COIL: variants seen among roughly 807,000 people sequenced by gnomAD.
COIL encodes coilin.
In COIL, 28 loss-of-function variants were observed where a neutral mutation model predicts 51.6. The ratio of observed to expected loss-of-function variants is 0.54; its 90% CI spans 0.40 to 0.74. The LOEUF (loss-of-function observed/expected upper bound fraction) is 0.74. Among genes scored for constraint, COIL ranks in the 30% least tolerant of loss-of-function variants. The probability of loss-of-function intolerance (pLI) is 0.00; values close to 1 mark genes in which losing one functional copy is unlikely to be tolerated. For synonymous variants in COIL, 233 were observed against 255.8 expected, an observed-to-expected ratio of 0.91 and a Z score of 0.85; for missense variants, 667 against 685.9, an observed-to-expected ratio of 0.97 and a Z score of 0.31.
chr17:56,954,145 T>C (rs1910436705), intron 1 of COIL, among the ~76,000 whole-genome samples: 1 of 152,192 alleles, frequency 6.6e-6, no homozygotes, highest in African/African-American at 2.4e-5. Flanking sequence ...CTGTGGTTTA[T>C]TAAGGCCCTG....
chr17:56,950,187 C>T lies in COIL; in HGVS notation c.1055G>A (p.Arg352His), dbSNP rs140691052. 150 of 1,613,838 alleles carry T rather than the reference C, an allele frequency of 9.3e-5. No homozygotes were observed. The highest frequency in any genetic ancestry group is 9.0e-5 in the Non-Finnish European group (106 of 1,179,994). Residue 352 changes from arginine (R) to histidine (H), a missense_variant, in exon 2 of 7, where the codon CGT (arginine) becomes CAT (histidine). Transcript: ENST00000240316. Reference protein sequence around the residue: ...KTVGLFAGRGRPGPGLSSQTA... With the variant: ...KTVGLFAGRGHPGPGLSSQTA... ...CTGTGATGACAGCCCTGGGCCTGGA[C>T]GACCTCTTCCTGCAAAAAGGCCTAC... is the stretch of plus-strand genomic sequence containing the variant.
intron 1 of COIL, among the ~76,000 whole-genome samples, chr17:56,953,270 G>A (rs1910412648): frequency 6.6e-6 from 1 of 151,898 alleles, no homozygotes; most frequent in Non-Finnish European, 1.5e-5. Flanking sequence ...AATTAGCCAG[G>A]CGTGGTGGCG....
At chr17:56,953,442 A>G (rs1703691469) in intron 1 of COIL, among the ~76,000 whole-genome samples, 1 of 147,588 alleles carries the variant, frequency 6.8e-6, no homozygotes, top group Non-Finnish European at 1.5e-5. Flanking sequence ...TACAAACATT[A>G]GGTAAGTATG....
rs781081954 is a variant in COIL, at chr17:56,950,383, T to G, written c.859A>C (p.Lys287Gln). The G allele has an allele frequency of 8.1e-6, 13 of 1,614,120 alleles. No homozygotes were observed. The highest frequency in any genetic ancestry group is 1.1e-5 in the Non-Finnish European group (13 of 1,180,052). The part of the protein sequence containing the change: ...TELSKEEPST[K>Q]NTTADKLAIK... ...GCCAGTTTGTCTGCAGTTGTATTTT[T>G]GGTAGAGGGTTCTTCCTTTGATAAC... The change falls in exon 2 of 7, where the codon AAA becomes CAA. Residue 287 changes from lysine (K) to glutamine (Q), a missense_variant. Coordinates refer to ENST00000240316, the MANE Select transcript of COIL (RefSeq NM_004645.3).
chr17:56,947,435 C>T (rs1241543952), intron 4 of COIL, among the ~76,000 whole-genome samples: 1 of 152,134 alleles, frequency 6.6e-6, no homozygotes, highest in Non-Finnish European at 1.5e-5. Flanking sequence ...GTAGGCAAAA[C>T]ACCTTCCAAC....
intron 1 of COIL, among the ~76,000 whole-genome samples, chr17:56,960,382 G>C (rs560913630): frequency 4.7e-5 from 7 of 150,050 alleles, no homozygotes; most frequent in Admixed American, 1.3e-4. Context: ...AAATTAGCCG[G>C]GCGTGGTGGC....
At position 56,949,741 on chromosome 17, in the gene COIL, G is replaced by C; in HGVS notation, c.1380C>G (p.Asp460Glu). The C allele has an allele frequency of 6.2e-7, 1 of 1,614,108 alleles. No homozygotes were observed. Among genetic ancestry groups the C allele is most frequent in the African/African-American group, 1.3e-5 (1 of 75,030 alleles). ...CTGCTAACAGTGGTAACAGACTATAGTCCTTCTTGGGTGTCTCTACTGGAT... is the reference window on the plus strand; with the variant it reads ...CTGCTAACAGTGGTAACAGACTATACTCCTTCTTGGGTGTCTCTACTGGAT... ...IQNPVETPKK[D>E]YSLLPLLAAA... is the part of the protein sequence containing the mutation. The change falls in exon 3 of 7, where the codon GAC (aspartate) becomes GAG (glutamate). Residue 460 changes from aspartate (D) to glutamate (E), a missense_variant. Transcript: ENST00000240316.
intron 1 of COIL, among the ~76,000 whole-genome samples, chr17:56,957,495 G>A (rs545059311): frequency 1.4e-4 from 21 of 151,372 alleles, no homozygotes; most frequent in Non-Finnish European, 1.9e-4. Flanking sequence ...GGTGGCGGGT[G>A]CCTGTAATCC....
Position 56,942,093 on chromosome 17 carries a change from A to G in COIL, c.1589T>C (p.Val530Ala), listed in dbSNP as rs1385485584. 6.2e-7 allele frequency: 1 copy of G among 1,614,088 alleles called. No individual in the cohort carries two copies. The highest frequency in any genetic ancestry group is 8.5e-7 in the Non-Finnish European group (1 of 1,180,016). Reference protein sequence around the residue: ...ALREPGKFDLVYHNENGAEVV... With the variant: ...ALREPGKFDLAYHNENGAEVV... ...CTCGGCTCCATTTTCATTGTGATAA[A>G]CTAAATCAAATTTCCCAGGTTCTCT... Residue 530 changes from valine to alanine, a missense_variant, in exon 6 of 7, where the codon GTT becomes GCT. Physicochemically the swap from Val to Ala is moderately conservative, Grantham distance 64. Transcript: ENST00000240316.
At chr17:56,939,323 T>C (rs1910102429) in intron 6 of COIL, among the ~76,000 whole-genome samples, 169 bp from the exon 7 acceptor site, 1 of 152,072 alleles carries the variant, frequency 6.6e-6, no homozygotes. Context: ...GGCCAGGCGC[T>C]GTGGCTCACA....
At chr17:56,955,397 A>C (rs1337130702) in intron 1 of COIL, among the ~76,000 whole-genome samples, 1 of 152,180 alleles carries the variant, frequency 6.6e-6, no homozygotes, top group African/African-American at 2.4e-5. Context: ...TTTGCAAGGC[A>C]AACTGAGTGG....
chr17:56,955,750 G>A (rs1910471403), intron 1 of COIL, among the ~76,000 whole-genome samples: 1 of 152,124 alleles, frequency 6.6e-6, no homozygotes, highest in Non-Finnish European at 1.5e-5. Context: ...CCTATCATGG[G>A]TAAGTTGGTG....
intron 1 of COIL, among the ~76,000 whole-genome samples, chr17:56,953,072 G>A (rs1910403246): frequency 6.6e-6 from 1 of 152,074 alleles, no homozygotes; most frequent in Non-Finnish European, 1.5e-5. Context: ...GAGCCCAGGA[G>A]TTTAAGACCA....
chr17:56,953,277 G>A (rs931424548), intron 1 of COIL, among the ~76,000 whole-genome samples: 4 of 151,926 alleles, frequency 2.6e-5, no homozygotes, highest in African/African-American at 4.8e-5. Context: ...CAGGCGTGGT[G>A]GCGGGCGCCT....
intron 5 of COIL, among the ~76,000 whole-genome samples, chr17:56,944,875 G>A (rs1910215840): frequency 6.6e-6 from 1 of 151,838 alleles, no homozygotes; most frequent in African/African-American, 2.4e-5. Context: ...AAATTAGCCG[G>A]GCATGGCGGC....
At chr17:56,944,568 A>G (rs1268951488) in intron 5 of COIL, among the ~76,000 whole-genome samples, 1 of 150,632 alleles carries the variant, frequency 6.6e-6, no homozygotes, top group Non-Finnish European at 1.5e-5. Flanking sequence ...TCCAGCCTGG[A>G]CAACAGAGTG....
rs758742117 is a variant in COIL at position 56,950,955 on chromosome 17, A to G, written c.287T>C (p.Val96Ala). The change falls in exon 2 of 7, where the codon GTC becomes GCC. Residue 96 changes from valine (V) to alanine (A), a missense_variant. Coordinates refer to ENST00000240316, the MANE Select transcript of COIL (RefSeq NM_004645.3). ...EERGVAENSV[V>A]ISNGDINLSL... is the part of the protein sequence containing the mutation. ...TAAATTAATGTCACCATTACTGATG[A>G]CTACAGAATTCTCAGCAACTCCTCT... 59 of 1,609,656 alleles carry G rather than the reference A, an allele frequency of 3.7e-5. No homozygotes were observed. The South Asian group carries it at 6.1e-4, about 17-fold the overall frequency.
intron 6 of COIL, 38 bp from the exon 7 acceptor site, chr17:56,939,192 A>G: frequency 9.2e-7 from 1 of 1,084,866 alleles, no homozygotes; most frequent in Non-Finnish European, 1.4e-6. Flanking sequence ...TAGGCACTTC[A>G]TTTTGAGGTC....
At chr17:56,956,507 C>T (rs1168679767) in intron 1 of COIL, among the ~76,000 whole-genome samples, 1 of 152,112 alleles carries the variant, frequency 6.6e-6, no homozygotes, top group Admixed American at 6.5e-5. Context: ...CCTCCCACCT[C>T]GGCCTCCCAA....
Sources: allele counts gnomAD v4.1 joint callset (sites outside exome capture counted in the v4.1 genomes callset), GRCh38; gene constraint gnomAD v4.1.1; transcripts MANE v1.5; gene names NCBI Gene and HGNC (gene_info 2026-07-23, HGNC 2026-07-21).